The following DAB1 variants were observed in gnomAD, a reference collection of about 807,000 sequenced individuals.
The protein encoded by DAB1 is DAB adaptor protein 1.
A neutral mutation model predicts 64.6 loss-of-function variants in DAB1; 15 were observed. The observed-to-expected ratio is 0.23, with a 90% CI of 0.16 to 0.36. The LOEUF (loss-of-function observed/expected upper bound fraction) is 0.36, where lower values mean the gene tolerates loss of function less well. Among genes scored for constraint, DAB1 ranks in the 10% least tolerant of loss-of-function variants. The pLI is 1.00. For synonymous variants in DAB1, 235 were observed against 251.9 expected (o/e 0.93, Z 0.64); for missense variants, 596 against 706.7 (o/e 0.84, Z 1.78).
In DAB1 at chr1:57,894,147, AC is replaced by A. The variant is rs1259357608; in HGVS notation, n.388-9986del. 5.3e-5 allele frequency among the ~76,000 whole-genome samples: 8 copies of A among 152,224 alleles called. No individual in the cohort carries two copies. The East Asian group carries it at 1.4e-3, about 26-fold the overall frequency. On this transcript the variant is annotated intron_variant and non_coding_transcript_variant, in intron 5 of 20. Transcript: ENST00000485760. ...ATAAGACCCCAGGTCGAAAGGTCAA[AC>A]CCCACATATCTCCTTCAAGTTGCCC...
At chr1:57,944,979 AC>A (rs1368019123) in intron 5 of DAB1, among the ~76,000 whole-genome samples, 1 of 152,180 alleles carries the variant, frequency 6.6e-6, no homozygotes, top group Non-Finnish European at 1.5e-5. Context: ...AGATAGTGAA[AC>A]CTGAAAGTTG....
chr1:58,472,906 G>A (rs763565319), intron 3 of DAB1, among the ~76,000 whole-genome samples: 13 of 152,136 alleles, frequency 8.5e-5, no homozygotes, highest in Non-Finnish European at 1.5e-4. Context: ...AAAGCGAGAG[G>A]GAAAGAGGAG....
chr1:57,575,096 C>G (rs1412033247), intron 7 of DAB1, among the ~76,000 whole-genome samples: 2 of 152,154 alleles, frequency 1.3e-5, no homozygotes, highest in African/African-American at 4.8e-5. Flanking sequence ...TGGCAGAGAA[C>G]AGGGAACAGG....
At chr1:57,648,556 G>A (rs1429848878) in intron 7 of DAB1, among the ~76,000 whole-genome samples, 1 of 152,072 alleles carries the variant, frequency 6.6e-6, no homozygotes, top group Non-Finnish European at 1.5e-5. Flanking sequence ...GTCTCCAAAA[G>A]CTTCTCATAT....
intron 1 of DAB1, among the ~76,000 whole-genome samples, chr1:57,414,254 C>T (rs1684330367): frequency 6.6e-6 from 1 of 152,158 alleles, no homozygotes; most frequent in African/African-American, 2.4e-5. Context: ...ATGTGACAAA[C>T]TTCATTATTG....
chr1:57,568,023 C>T (rs1308106968), intron 7 of DAB1, among the ~76,000 whole-genome samples: 1 of 152,334 alleles, frequency 6.6e-6, no homozygotes. Context: ...TGACCTCAAC[C>T]TATACTATAA....
intron 6 of DAB1, among the ~76,000 whole-genome samples, chr1:57,802,747 G>A (rs999860628): frequency 2.6e-5 from 4 of 151,996 alleles, no homozygotes; most frequent in South Asian, 2.1e-4. Context: ...TTCCCCTTCC[G>A]CCATGACTGA....
chr1:57,778,683 G>A (rs1238426816), intron 6 of DAB1, among the ~76,000 whole-genome samples: 2 of 152,042 alleles, frequency 1.3e-5, no homozygotes, highest in South Asian at 2.1e-4. Flanking sequence ...CGCCATCTGC[G>A]ATTGCTATAT....
intron 6 of DAB1, among the ~76,000 whole-genome samples, chr1:57,737,325 C>T (rs1313209669): frequency 6.6e-6 from 1 of 152,150 alleles, no homozygotes; most frequent in Non-Finnish European, 1.5e-5. Context: ...CAAGCATAGG[C>T]TACTCACCAC....
intron 4 of DAB1, among the ~76,000 whole-genome samples, chr1:58,250,675 G>A (rs778566234): frequency 2.6e-5 from 4 of 152,188 alleles, no homozygotes; most frequent in Non-Finnish European, 5.9e-5. Flanking sequence ...AAGGACCTCA[G>A]CACCCACTCG....
intron 3 of DAB1, among the ~76,000 whole-genome samples, chr1:58,433,567 A>AAGAG (rs67547933): frequency 1.3e-3 from 145 of 114,492 alleles, no homozygotes; most frequent in East Asian, 2.3e-3. Context: ...GTCCATGCAT[A>AAGAG]AGAGAGAGAG....
At position 57,790,020 on chromosome 1, in the gene DAB1, A is replaced by G. The variant is rs1924269; in HGVS notation, n.551+93979T>C. ...GGATATATGGCTAACAGGAGGCACC[A>G]ACGGACCATAAGAGGGAAAGCCATA... On this transcript the variant is annotated intron_variant and non_coding_transcript_variant, in intron 6 of 20. Coordinates refer to the DAB1 transcript ENST00000485760. Among the ~76,000 whole-genome samples, 1,584 of 152,258 alleles carry G rather than the reference A, an allele frequency of 0.01. 54 individuals carry two copies. The East Asian group carries it at 0.11, about 10-fold the overall frequency.
chr1:58,425,954 A>C (rs1644818400), intron 3 of DAB1, among the ~76,000 whole-genome samples: 1 of 152,086 alleles, frequency 6.6e-6, no homozygotes, highest in Non-Finnish European at 1.5e-5. Context: ...TAGGGTTAGG[A>C]CAGATCTTTA....
intron 5 of DAB1, among the ~76,000 whole-genome samples, chr1:58,092,349 A>T (rs1365218955): frequency 6.9e-6 from 1 of 145,212 alleles, no homozygotes; most frequent in African/African-American, 2.6e-5. Context: ...AAAAAAAAAA[A>T]TTTAATGCCA....
intron 2 of DAB1, among the ~76,000 whole-genome samples, 189 bp downstream of exon 2, chr1:57,290,775 A>G (rs1319971564): frequency 1.3e-5 from 2 of 152,190 alleles, no homozygotes; most frequent in Non-Finnish European, 2.9e-5. Flanking sequence ...TGTGCAGAAA[A>G]GTTTTGGATT....
intron 2 of DAB1, among the ~76,000 whole-genome samples, chr1:57,238,954 G>A (rs369692617): frequency 6.7e-6 from 1 of 150,344 alleles, no homozygotes; most frequent in African/African-American, 2.5e-5. Context: ...ATTTTTTATG[G>A]CCCAATAAGA....
At chr1:57,681,735 A>G (rs1646638366) in intron 6 of DAB1, among the ~76,000 whole-genome samples, 1 of 152,234 alleles carries the variant, frequency 6.6e-6, no homozygotes, top group Non-Finnish European at 1.5e-5. Context: ...AGTACTGATT[A>G]CTGATGAATG....
At chr1:57,113,471 A>T (rs909212059) in intron 4 of DAB1, among the ~76,000 whole-genome samples, 1 of 152,138 alleles carries the variant, frequency 6.6e-6, no homozygotes, top group Non-Finnish European at 1.5e-5. Context: ...CCAGACAATA[A>T]ATTTCTTCTG....
chr1:57,593,317 T>C (rs1645468395), intron 7 of DAB1, among the ~76,000 whole-genome samples: 1 of 152,202 alleles, frequency 6.6e-6, no homozygotes, highest in South Asian at 2.1e-4. Context: ...TCATCCATGT[T>C]ATAGAAAGTG....
Sources: allele counts gnomAD v4.1 joint callset (sites outside exome capture counted in the v4.1 genomes callset), GRCh38; gene constraint gnomAD v4.1.1; transcripts MANE v1.5; gene names NCBI Gene and HGNC (gene_info 2026-07-23, HGNC 2026-07-21).